Variants in SEMA5B observed in about 807,000 individuals in gnomAD.
SEMA5B encodes the protein semaphorin-5B.
In SEMA5B, 66 loss-of-function variants were observed where a neutral mutation model predicts 135.0. The observed-to-expected ratio is 0.49, with a 90% CI of 0.40 to 0.60. SEMA5B has a LOEUF of 0.60. Among genes scored for constraint, SEMA5B ranks in the 20% least tolerant of loss-of-function variants. The pLI is 0.00. For synonymous variants in SEMA5B, 690 were observed against 639.5 expected, an observed-to-expected ratio of 1.08 and a Z score of -1.19; for missense variants, 1,501 against 1,566.3, an observed-to-expected ratio of 0.96 and a Z score of 0.70.
rs534874030 is a variant in SEMA5B, at chr3:123,016,081, G to T, written c.-39+11383C>A. Among the ~76,000 whole-genome samples the T allele has an allele frequency of 4.6e-5, 7 of 152,312 alleles. No homozygotes were observed. The East Asian group carries it at 1.3e-3, about 29-fold the overall frequency. On this transcript the variant is annotated intron_variant, in intron 1 of 22. Coordinates refer to ENST00000357599, the MANE Select transcript of SEMA5B (RefSeq NM_001031702.4). Reference sequence around the variant, plus strand: ...ATAGGGTCCCAGGAGGATGAGGGGTGGGAAGGAAAGCTGCCCTGACTCTCC... The same window carrying T: ...ATAGGGTCCCAGGAGGATGAGGGGTTGGAAGGAAAGCTGCCCTGACTCTCC...
rs1937611034 is a variant in SEMA5B at position 122,909,964 on chromosome 3, C to T, written c.*179G>A. ...GCCATATGTCAGCCTGAAACCAGCC[C>T]TTTCCCCCATGGTCAATGCCAGCCA... On this transcript the variant is annotated 3_prime_UTR_variant, in exon 23 of 23. Coordinates refer to ENST00000357599, the MANE Select transcript of SEMA5B (RefSeq NM_001031702.4). 13 of 645,052 alleles carry T rather than the reference C, an allele frequency of 2.0e-5. No homozygotes were observed. In the South Asian group the frequency reaches 2.5e-4, roughly 12 times the overall value. The allele number at this position is 645,052 out of a possible 1,614,324, so 40.0% of individuals were successfully genotyped here.
intron 1 of SEMA5B, among the ~76,000 whole-genome samples, chr3:122,973,984 C>T (rs1270988116): frequency 6.6e-6 from 1 of 152,230 alleles, no homozygotes; most frequent in African/African-American, 2.4e-5. Flanking sequence ...CAGCAGGGCA[C>T]AGCCTCGGGC....
At chr3:122,943,046 A>C (rs1939628404) in intron 4 of SEMA5B, among the ~76,000 whole-genome samples, 1 of 152,186 alleles carries the variant, frequency 6.6e-6, no homozygotes, top group African/African-American at 2.4e-5. Flanking sequence ...TCCCAGGTGC[A>C]GGCCGCCGGC....
intron 2 of SEMA5B, among the ~76,000 whole-genome samples, chr3:122,959,964 C>T (rs1180604082): frequency 3.9e-5 from 6 of 152,170 alleles, no homozygotes; most frequent in East Asian, 1.9e-4. Flanking sequence ...CTAAGGATGT[C>T]GCCAGACGCA....
intron 9 of SEMA5B, among the ~76,000 whole-genome samples, chr3:122,924,208 C>G (rs577999107): frequency 1.3e-5 from 2 of 152,182 alleles, no homozygotes; most frequent in African/African-American, 4.8e-5. Context: ...TACCAAACCA[C>G]TGAGTTATGC....
chr3:122,947,896 GT>G (rs1257380503), intron 3 of SEMA5B, among the ~76,000 whole-genome samples: 1 of 148,694 alleles, frequency 6.7e-6, no homozygotes, highest in African/African-American at 2.5e-5. Flanking sequence ...TTTGTGTTTT[GT>G]TTTGTTTTTT....
chr3:122,956,544 C>T (rs936256492), intron 2 of SEMA5B, among the ~76,000 whole-genome samples: 3 of 152,166 alleles, frequency 2.0e-5, no homozygotes, highest in Admixed American at 6.5e-5. Flanking sequence ...ACACAGCGAC[C>T]GGTGCCCTCT....
intron 1 of SEMA5B, among the ~76,000 whole-genome samples, chr3:123,002,644 T>G (rs1265151136): frequency 2.0e-5 from 3 of 152,344 alleles, no homozygotes; most frequent in African/African-American, 7.2e-5. Flanking sequence ...CCAGCCAAAG[T>G]AGCCTCTTGA....
chr3:122,966,607 T>G (rs1157212969), intron 1 of SEMA5B, among the ~76,000 whole-genome samples: 1 of 150,026 alleles, frequency 6.7e-6, no homozygotes, highest in Non-Finnish European at 1.5e-5. Flanking sequence ...CAGGCTGGAG[T>G]GCAGTGGCGT....
At chr3:122,978,143 A>G (rs1019090131) in intron 1 of SEMA5B, among the ~76,000 whole-genome samples, 1 of 152,256 alleles carries the variant, frequency 6.6e-6, no homozygotes, top group Non-Finnish European at 1.5e-5. Context: ...GGCAGAGGGC[A>G]ACTCCACCAG....
intron 1 of SEMA5B, among the ~76,000 whole-genome samples, chr3:122,981,138 C>T (rs1941509386): frequency 6.6e-6 from 1 of 152,264 alleles, no homozygotes; most frequent in Non-Finnish European, 1.5e-5. Context: ...TGGACATGTG[C>T]TTGTGCACCC....
intron 1 of SEMA5B, among the ~76,000 whole-genome samples, chr3:123,022,577 A>T (rs1040076806): frequency 6.6e-6 from 1 of 152,224 alleles, no homozygotes; most frequent in African/African-American, 2.4e-5. Context: ...AGAGAGCTCA[A>T]GGTTAAACTC....
intron 1 of SEMA5B, among the ~76,000 whole-genome samples, chr3:122,978,418 A>G (rs1273915603): frequency 6.6e-6 from 1 of 152,232 alleles, no homozygotes; most frequent in African/African-American, 2.4e-5. Context: ...CAGCATCCCA[A>G]ACACTTCAGA....
chr3:122,932,571 G>A (rs935055432), intron 5 of SEMA5B, among the ~76,000 whole-genome samples: 4 of 152,072 alleles, frequency 2.6e-5, no homozygotes, highest in African/African-American at 9.7e-5. Flanking sequence ...GGCCAGAACT[G>A]CCTCATCATG....
At chr3:122,988,487 A>T (rs141897470) in intron 1 of SEMA5B, among the ~76,000 whole-genome samples, 1 of 152,374 alleles carries the variant, frequency 6.6e-6, no homozygotes, top group Non-Finnish European at 1.5e-5. Context: ...GAATGAAGCA[A>T]CCAGTTGGAC....
At chr3:122,947,219 G>A (rs1441825584) in intron 3 of SEMA5B, among the ~76,000 whole-genome samples, 1 of 152,186 alleles carries the variant, frequency 6.6e-6, no homozygotes, top group Non-Finnish European at 1.5e-5. Flanking sequence ...TCAGAAGTCT[G>A]AGGGTGTGCA....
chr3:123,019,039 T>C (rs916643771), intron 1 of SEMA5B, among the ~76,000 whole-genome samples: 7 of 152,156 alleles, frequency 4.6e-5, no homozygotes, highest in Non-Finnish European at 7.4e-5. Context: ...CCCACTCTAC[T>C]GCTATTTGTA....
intron 1 of SEMA5B, among the ~76,000 whole-genome samples, chr3:122,970,587 G>A (rs1941067676): frequency 6.6e-6 from 1 of 152,224 alleles, no homozygotes; most frequent in African/African-American, 2.4e-5. Context: ...GTCAGCTCAA[G>A]AGGTAATCAT....
chr3:122,995,772 G>C (rs1425237945), intron 1 of SEMA5B, among the ~76,000 whole-genome samples: 1 of 152,158 alleles, frequency 6.6e-6, no homozygotes, highest in Non-Finnish European at 1.5e-5. Flanking sequence ...CTGGCCCACT[G>C]TATCTTCCTC....
Sources: allele counts gnomAD v4.1 joint callset (sites outside exome capture counted in the v4.1 genomes callset), GRCh38; gene constraint gnomAD v4.1.1; transcripts MANE v1.5; gene names NCBI Gene and HGNC (gene_info 2026-07-23, HGNC 2026-07-21).